The following ASPG variants were observed in gnomAD, a reference collection of about 807,000 sequenced individuals.
ASPG encodes asparaginase.
Under a neutral mutation model 63.2 loss-of-function variants are expected in ASPG, and 53 were observed. The observed-to-expected ratio is 0.84, with a 90% CI of 0.67 to 1.05. The LOEUF is 1.05. Among genes scored for constraint, ASPG ranks in the 50% least tolerant of loss-of-function variants. The pLI is 0.00. For synonymous variants in ASPG, 370 were observed against 355.0 expected, an observed-to-expected ratio of 1.04 and a Z score of -0.48; for missense variants, 741 against 794.4, an observed-to-expected ratio of 0.93 and a Z score of 0.81.
chr14:104,108,051 G>A (rs2037217223), intron 12 of ASPG, among the ~76,000 whole-genome samples: 1 of 152,154 alleles, frequency 6.6e-6, no homozygotes, highest in Non-Finnish European at 1.5e-5. Context: ...ATGGAGAGAA[G>A]GCCGGGGTGT....
At chr14:104,090,828 G>A (rs1326733117) in intron 1 of ASPG, among the ~76,000 whole-genome samples, 4 of 152,172 alleles carry the variant, frequency 2.6e-5, no homozygotes, top group African/African-American at 7.2e-5. Flanking sequence ...ACACCCACAG[G>A]TACCGGGGAT....
rs1363926679 is a variant in ASPG, at chr14:104,115,494, G to A, written c.*2950G>A. On this transcript the variant is annotated 3_prime_UTR_variant, in exon 16 of 16. Coordinates refer to ENST00000551177, the MANE Select transcript of ASPG (RefSeq NM_001080464.3). The stretch of plus-strand genomic sequence containing the variant: ...AATCCCAGCACTTTGGGAGGCCGAG[G>A]CGGGTGGATAGCTTGAGCCTAGGAG... 1.3e-5 allele frequency: 2 copies of A among 152,330 alleles called. No individual in the cohort carries two copies. The highest frequency in any genetic ancestry group is 2.9e-5 in the Non-Finnish European group (2 of 68,134). The allele number at this position is 152,330 out of a possible 1,614,324, so 9.4% of individuals were successfully genotyped here.
rs2037430028 is a variant in ASPG at position 104,113,684 on chromosome 14, G to A, written c.*1140G>A. The A allele has an allele frequency of 6.6e-6, 1 of 152,318 alleles. No homozygotes were observed. The highest frequency in any genetic ancestry group is 1.5e-5 in the Non-Finnish European group (1 of 68,104). The allele number at this position is 152,318 out of a possible 1,614,324, so 9.4% of individuals were successfully genotyped here. ...CCCCAGAGCTGGCCCTTGGCACCTG[G>A]GCATACCCCAGGCTCCTCAGCCTGG... On this transcript the variant is annotated 3_prime_UTR_variant, in exon 16 of 16. Transcript: ENST00000551177.
chr14:104,107,375 C>G (rs2037182242), intron 12 of ASPG, 30 bp downstream of exon 12: 9 of 1,444,720 alleles, frequency 6.2e-6, no homozygotes, highest in Non-Finnish European at 8.2e-6. Context: ...ACAGAGCTGC[C>G]TTGGACAGGT....
At chr14:104,095,826 C>T (rs1438611311) in intron 4 of ASPG, among the ~76,000 whole-genome samples, 170 bp downstream of exon 4, 1 of 152,152 alleles carries the variant, frequency 6.6e-6, no homozygotes, top group East Asian at 1.9e-4. Flanking sequence ...CAGGTCCTGC[C>T]CGGGTGCCAG....
At chr14:104,101,885 G>T (rs1319145352) in intron 6 of ASPG, among the ~76,000 whole-genome samples, 3 of 152,206 alleles carry the variant, frequency 2.0e-5, no homozygotes, top group Non-Finnish European at 2.9e-5. Flanking sequence ...CCTCTTGGGG[G>T]TAAGGGGCTG....
chr14:104,094,558 A>G (rs538870731), intron 3 of ASPG, among the ~76,000 whole-genome samples: 77 of 150,764 alleles, frequency 5.1e-4, no homozygotes, highest in African/African-American at 1.7e-3. Flanking sequence ...CTCCAGTCCC[A>G]ATTCTCACCT....
chr14:104,111,987 A>T lies in ASPG; in HGVS notation c.1688A>T (p.Gln563Leu). 1 of 1,554,840 alleles carries T rather than the reference A, an allele frequency of 6.4e-7. No individual in the cohort carries two copies. Among genetic ancestry groups the T allele is most frequent in the Middle Eastern group, 1.7e-4 (1 of 5,950 alleles). The change falls in exon 15 of 16, where the codon CAG becomes CTG. Residue 563 changes from glutamine to leucine, a missense_variant. By Grantham distance (113) the Gln-to-Leu change is moderately radical (BLOSUM62 -2). Coordinates refer to ENST00000551177, the MANE Select transcript of ASPG (RefSeq NM_001080464.3). ...AGCCTGGAGGGTGCGGTTGGTGCCC[A>T]GGCCCCATGCCCAGTAAGTCCCCAC... ...LQSLEGAVGA[Q>L]APCPEVLPGV
chr14:104,107,031 T>C, intron 11 of ASPG, 137 bp downstream of exon 11: 1 of 1,308,448 alleles, frequency 7.6e-7, no homozygotes, highest in Admixed American at 2.6e-5. Context: ...AGCAGGACTG[T>C]CCTGCCAGCT....
At chr14:104,088,441 G>A (rs1210791670) in intron 1 of ASPG, among the ~76,000 whole-genome samples, 3 of 152,216 alleles carry the variant, frequency 2.0e-5, no homozygotes, top group Non-Finnish European at 4.4e-5. Flanking sequence ...CCAAGCCCAA[G>A]CTGGCATCAG....
In ASPG at chr14:104,085,737, C is replaced by T; in HGVS notation, c.-34C>T. On this transcript the variant is annotated 5_prime_UTR_variant, in exon 1 of 16. Coordinates refer to ENST00000551177, the MANE Select transcript of ASPG (RefSeq NM_001080464.3). ...CCGCAGGCCCTGCGTCCCCGCTGCA[C>T]ACCCCCGTCCACTCCCGTGGTCCCC... The T allele has an allele frequency of 6.5e-7, 1 of 1,533,436 alleles. No homozygotes were observed. Among genetic ancestry groups the T allele is most frequent in the Non-Finnish European group, 8.7e-7 (1 of 1,149,648 alleles). The allele number at this position is 1,533,436 out of a possible 1,614,324, so 95.0% of individuals were successfully genotyped here. A position where few individuals can be genotyped will look rare whatever the true frequency, so the allele number is the denominator to read the frequency against.
Position 104,108,347 on chromosome 14 carries a change from G to A in ASPG, c.1434-882G>A, listed in dbSNP as rs1017535997. ...GCGTCCTTGGGTGTGGGTGGGTGGC[G>A]CGGAGACGAGCTCACACAGTCCCGC... On this transcript the variant is annotated intron_variant, in intron 12 of 15. Transcript: ENST00000551177. 3 of 945,324 alleles carry A rather than the reference G, an allele frequency of 3.2e-6. 1 individual carries two copies. Among genetic ancestry groups the A allele is most frequent in the Admixed American group, 1.2e-4 (2 of 16,220 alleles). The allele number at this position is 945,324 out of a possible 1,614,324, so 58.6% of individuals were successfully genotyped here. A position where few individuals can be genotyped will look rare whatever the true frequency, so the allele number is the denominator to read the frequency against.
chr14:104,094,891 T>G (rs1007724831), intron 3 of ASPG, among the ~76,000 whole-genome samples: 1 of 152,120 alleles, frequency 6.6e-6, no homozygotes, highest in African/African-American at 2.4e-5. Flanking sequence ...CGGGGCTTGG[T>G]CTTTTAATGG....
intron 4 of ASPG, among the ~76,000 whole-genome samples, chr14:104,096,885 C>A (rs140387869): frequency 1.3e-5 from 2 of 152,208 alleles, no homozygotes; most frequent in Non-Finnish European, 2.9e-5. Context: ...ACTTCCCGGC[C>A]GCCTCCTCCT....
At chr14:104,105,641 G>C (rs577097880) in intron 10 of ASPG, among the ~76,000 whole-genome samples, 191 bp downstream of exon 10, 1 of 152,196 alleles carries the variant, frequency 6.6e-6, no homozygotes, top group Non-Finnish European at 1.5e-5. Flanking sequence ...GGGTCTATAA[G>C]GCAGGAGGCA....
At chr14:104,112,030 C>A in intron 15 of ASPG, 30 bp downstream of exon 15, 1 of 1,535,142 alleles carries the variant, frequency 6.5e-7, no homozygotes, top group African/African-American at 1.4e-5. Flanking sequence ...GGGGCTGACA[C>A]CCCCCAGTGA....
chr14:104,099,904 G>A (rs1839101892), intron 6 of ASPG, among the ~76,000 whole-genome samples: 1 of 152,194 alleles, frequency 6.6e-6, no homozygotes, highest in Admixed American at 6.5e-5. Context: ...GGGGCTGGGT[G>A]GGGCTGCCTG....
rs2037432750 is a variant in ASPG at position 104,113,911 on chromosome 14, T to A, written c.*1367T>A. 6.6e-6 allele frequency: 1 copy of A among 152,372 alleles called. No individual in the cohort carries two copies. Among genetic ancestry groups the A allele is most frequent in the African/African-American group, 2.4e-5 (1 of 41,480 alleles). The allele number at this position is 152,372 out of a possible 1,614,324, so 9.4% of individuals were successfully genotyped here. On this transcript the variant is annotated 3_prime_UTR_variant, in exon 16 of 16. Coordinates refer to ENST00000551177, the MANE Select transcript of ASPG (RefSeq NM_001080464.3). ...GGGCCCCAGAGCCAGGAGCCCCTGC[T>A]GTCCCCGGATGGCCGAGACCCTTGG...
chr14:104,092,144 C>T (rs931909128), intron 1 of ASPG, among the ~76,000 whole-genome samples: 21 of 152,114 alleles, frequency 1.4e-4, no homozygotes, highest in African/African-American at 4.8e-4. Context: ...AATAGCACTA[C>T]AGCCTGGGCA....
Sources: allele counts gnomAD v4.1 joint callset (sites outside exome capture counted in the v4.1 genomes callset), GRCh38; gene constraint gnomAD v4.1.1; transcripts MANE v1.5; gene names NCBI Gene and HGNC (gene_info 2026-07-23, HGNC 2026-07-21).